Variants in TMPRSS4 observed in about 807,000 individuals in gnomAD.
TMPRSS4 encodes transmembrane serine protease 4, also known as transmembrane protease serine 4.
Under a neutral mutation model 56.4 loss-of-function variants are expected in TMPRSS4, and 45 were observed. The ratio of observed to expected loss-of-function variants is 0.80; its 90% confidence interval spans 0.63 to 1.02. The LOEUF is 1.02. Ranked by LOEUF, TMPRSS4 falls within the 50% of genes least tolerant of loss-of-function variation. The pLI is 0.00. For missense variants in TMPRSS4, 546 were observed against 556.7 expected, an observed-to-expected ratio of 0.98 and a Z score of 0.19; for synonymous variants, 205 against 211.0, an observed-to-expected ratio of 0.97 and a Z score of 0.25.
intron 6 of TMPRSS4, 35 bp downstream of exon 6, chr11:118,107,910 C>T (rs772678556): frequency 4.5e-6 from 7 of 1,555,672 alleles, no homozygotes; most frequent in Non-Finnish European, 6.2e-6. Flanking sequence ...CTACAGAAGG[C>T]CCCCACATGG....
chr11:118,094,661 T>A (rs975911255), intron 1 of TMPRSS4, among the ~76,000 whole-genome samples, 155 bp from the exon 2 acceptor site: 2 of 152,194 alleles, frequency 1.3e-5, no homozygotes, highest in African/African-American at 4.8e-5. Flanking sequence ...CATGACTGAA[T>A]GTTTCCTGTT....
intron 1 of TMPRSS4, among the ~76,000 whole-genome samples, chr11:118,090,207 T>C (rs564057699): frequency 1.3e-5 from 2 of 152,214 alleles, no homozygotes; most frequent in African/African-American, 4.8e-5. Context: ...TGTCACTGTG[T>C]GAATATACCA....
In TMPRSS4 at chr11:118,104,829, C is replaced by T; in HGVS notation, c.440+9C>T. The T allele has an allele frequency of 6.4e-7, 1 of 1,567,530 alleles. No homozygotes were observed. Among genetic ancestry groups the T allele is most frequent in the Non-Finnish European group, 8.7e-7 (1 of 1,155,730 alleles). ...CAGATGGGCTACAGCAGGTAACCAA[C>T]CTGGGCCTCTCTCCTTTTTCCCTCC... On this transcript the variant is annotated intron_variant, in intron 5 of 12. Coordinates refer to ENST00000437212, the MANE Select transcript of TMPRSS4 (RefSeq NM_019894.4).
At position 118,097,013 on chromosome 11, in the gene TMPRSS4, AAAG is replaced by A. The variant is rs1218896064; in HGVS notation, c.44-1969_44-1967del. Among the ~76,000 whole-genome samples, 171 of 99,236 alleles carry A rather than the reference AAAG, an allele frequency of 1.7e-3. 6 individuals are homozygous for A. The highest frequency in any genetic ancestry group is 5.4e-3 in the African/African-American group (130 of 23,944). The allele number at this position is 99,236 out of a possible 152,430, so 65.1% of individuals were successfully genotyped here. ...GAAAGAAAGAAAGAAAGAAAGAAAG[AAAG>A]AAAGAAAGAAAGAAAGAAAAGGAAA... is the stretch of plus-strand genomic sequence containing the variant. On this transcript the variant is annotated intron_variant, in intron 2 of 12. Transcript: ENST00000437212.
intron 8 of TMPRSS4, 151 bp from the exon 9 acceptor site, chr11:118,113,118 G>A: frequency 1.4e-6 from 1 of 693,928 alleles, no homozygotes; most frequent in Non-Finnish European, 2.3e-6. Context: ...CCAGAAGACT[G>A]CCCCTTCTCC....
At chr11:118,117,681 C>A in intron 12 of TMPRSS4, 4 of 985,460 alleles carry the variant, frequency 4.1e-6, no homozygotes, top group Non-Finnish European at 4.8e-6. Flanking sequence ...CACACCAAGC[C>A]TTTCTTTCTC....
intron 1 of TMPRSS4, chr11:118,088,336 A>G (rs1945724188): frequency 6.6e-6 from 1 of 152,232 alleles, no homozygotes; most frequent in African/African-American, 2.4e-5. Context: ...ATATAATAAT[A>G]CTCAACTGCA....
At chr11:118,114,777 T>G (rs1459756592) in intron 9 of TMPRSS4, 52 bp from the exon 10 acceptor site, 2 of 1,503,686 alleles carry the variant, frequency 1.3e-6, no homozygotes, top group Non-Finnish European at 1.8e-6. Flanking sequence ...TTACAGAAAA[T>G]TAACACTTAT....
chr11:118,078,440 G>A (rs986018832), intron 1 of TMPRSS4, among the ~76,000 whole-genome samples: 20 of 152,316 alleles, frequency 1.3e-4, no homozygotes, highest in African/African-American at 4.6e-4. Flanking sequence ...CACTTCCCAC[G>A]ACACTCTTCT....
chr11:118,102,904 G>C, intron 3 of TMPRSS4, 197 bp from the exon 4 acceptor site: 1 of 635,030 alleles, frequency 1.6e-6, no homozygotes, highest in Admixed American at 2.8e-5. Flanking sequence ...GGGTGGGGCC[G>C]GTGTTACTAT....
Position 118,121,224 on chromosome 11 carries a change from A to C in TMPRSS4, c.*3311A>C, listed in dbSNP as rs915240862. On this transcript the variant is annotated 3_prime_UTR_variant, in exon 13 of 13. Coordinates refer to ENST00000437212, the MANE Select transcript of TMPRSS4 (RefSeq NM_019894.4). Reference sequence around the variant, plus strand: ...CAACAAACCTTCTCTAAAAGAATATATAAAGCATTTACTTTAGGAAGAAGG... The same window carrying C: ...CAACAAACCTTCTCTAAAAGAATATCTAAAGCATTTACTTTAGGAAGAAGG... 6.6e-6 allele frequency: 1 copy of C among 152,280 alleles called. No homozygotes were observed. The highest frequency in any genetic ancestry group is 1.5e-5 in the Non-Finnish European group (1 of 68,050). The allele number at this position is 152,280 out of a possible 1,614,324, so 9.4% of individuals were successfully genotyped here. A position where few individuals can be genotyped will look rare whatever the true frequency, so the allele number is the denominator to read the frequency against.
At chr11:118,077,877 G>T (rs1363969543) in intron 1 of TMPRSS4, among the ~76,000 whole-genome samples, 4 of 152,002 alleles carry the variant, frequency 2.6e-5, no homozygotes, top group Admixed American at 6.6e-5. Flanking sequence ...GCCAGGCGTG[G>T]TGGCAGGTGC....
At chr11:118,092,650 C>T (rs1946046541) in intron 1 of TMPRSS4, among the ~76,000 whole-genome samples, 1 of 152,242 alleles carries the variant, frequency 6.6e-6, no homozygotes. Context: ...TAACGTTAGT[C>T]TAGTCCCCAG....
chr11:118,085,022 G>C (rs1025365012), intron 1 of TMPRSS4, among the ~76,000 whole-genome samples: 1 of 152,176 alleles, frequency 6.6e-6, no homozygotes. Context: ...GCAAAGACCA[G>C]ATGGGGCTCC....
Position 118,118,399 on chromosome 11 carries a change from T to A in TMPRSS4, c.*486T>A, listed in dbSNP as rs1274818800. On this transcript the variant is annotated 3_prime_UTR_variant, in exon 13 of 13. Coordinates refer to ENST00000437212, the MANE Select transcript of TMPRSS4 (RefSeq NM_019894.4). ...TGGTATGACTACCGTTACCTACTGT[T>A]GTCATTGTTATTACAGCTATGGCCA... The A allele has an allele frequency of 3.5e-5, 35 of 995,538 alleles. No homozygotes were observed. Among genetic ancestry groups the A allele is most frequent in the Non-Finnish European group, 3.9e-5 (33 of 837,054 alleles). The allele number at this position is 995,538 out of a possible 1,614,324, so 61.7% of individuals were successfully genotyped here.
chr11:118,115,072 G>T, intron 10 of TMPRSS4, 66 bp from the exon 11 acceptor site: 1 of 1,574,650 alleles, frequency 6.4e-7, no homozygotes, highest in Non-Finnish European at 8.6e-7. Flanking sequence ...AAGCAAAGTG[G>T]TTTGGCAATC....
intron 3 of TMPRSS4, 82 bp from the exon 4 acceptor site, chr11:118,103,019 A>T: frequency 6.4e-7 from 1 of 1,555,168 alleles, no homozygotes; most frequent in South Asian, 1.2e-5. Flanking sequence ...AGAGCCCAGC[A>T]CTATCGCCAG....
intron 11 of TMPRSS4, among the ~76,000 whole-genome samples, chr11:118,116,533 T>C (rs888292085): frequency 6.6e-6 from 1 of 152,220 alleles, no homozygotes; most frequent in African/African-American, 2.4e-5. Context: ...TTTTCTTGTT[T>C]TGTTATTTGC....
At chr11:118,086,943 A>G (rs1945602759) in intron 1 of TMPRSS4, 1 of 152,456 alleles carries the variant, frequency 6.6e-6, no homozygotes, top group Non-Finnish European at 1.5e-5. Context: ...CCCACTCTGC[A>G]AGCTGACGGC....
Sources: allele counts gnomAD v4.1 joint callset (sites outside exome capture counted in the v4.1 genomes callset), GRCh38; gene constraint gnomAD v4.1.1; transcripts MANE v1.5; gene names NCBI Gene and HGNC (gene_info 2026-07-23, HGNC 2026-07-21).